The following SETD1B variants were observed in gnomAD, a reference collection of about 807,000 sequenced individuals.
SETD1B encodes the protein histone-lysine N-methyltransferase SETD1B.
Under a neutral mutation model 148.0 loss-of-function variants are expected in SETD1B, and 7 were observed. The ratio of observed to expected loss-of-function variants is 0.05; its 90% CI spans 0.03 to 0.09. SETD1B has a LOEUF of 0.09. SETD1B is among the 10% of genes least tolerant of loss of function. The pLI is 1.00. For synonymous variants in SETD1B, 1,361 were observed against 1,186.5 expected, an observed-to-expected ratio of 1.15 and a Z score of -3.02; for missense variants, 2,155 against 2,729.9, an observed-to-expected ratio of 0.79 and a Z score of 4.69.
At chr12:121,823,922 C>T (rs1014458107) in intron 12 of SETD1B, among the ~76,000 whole-genome samples, 173 bp downstream of exon 12, 4 of 152,154 alleles carry the variant, frequency 2.6e-5, no homozygotes, top group East Asian at 1.9e-4. Flanking sequence ...GCCAGGCTCC[C>T]GAGTGAATCA....
chr12:121,817,038 G>T lies in SETD1B; in HGVS notation c.2721G>T (p.Ser907=), dbSNP rs751219734. The T allele has an allele frequency of 2.0e-6, 3 of 1,519,290 alleles. No homozygotes were observed. Among genetic ancestry groups the T allele is most frequent in the Non-Finnish European group, 1.8e-6 (2 of 1,126,798 alleles). The allele number at this position is 1,519,290 out of a possible 1,614,324, so 94.1% of individuals were successfully genotyped here. A position where few individuals can be genotyped will look rare whatever the true frequency, so the allele number is the denominator to read the frequency against. ...WDKKERMAKA[S]LTPVKSGEHK... ...CCCTCCTGTCTCCACCCCAGGCCTC[G>T]CTGACCCCGGTGAAGTCGGGCGAGC... is the stretch of plus-strand genomic sequence containing the variant. The change falls in exon 8 of 17, where the codon TCG becomes TCT. Residue 907 remains serine (S), a synonymous_variant. Coordinates refer to ENST00000604567, the MANE Select transcript of SETD1B (RefSeq NM_001353345.2). The surrounding 1 kb of genome is among the most constrained non-coding windows in gnomAD (Gnocchi z 8.1).
At chr12:121,809,329 A>C (rs1013130165) in intron 5 of SETD1B, among the ~76,000 whole-genome samples, 3 of 152,182 alleles carry the variant, frequency 2.0e-5, no homozygotes, top group Non-Finnish European at 4.4e-5. Flanking sequence ...TCCCAGCCTA[A>C]ACCAAGATGT....
chr12:121,797,322 C>G, the SETD1B span: 1 of 409,646 alleles, frequency 2.4e-6, no homozygotes, highest in African/African-American at 2.1e-5. Context: ...TGGCGTGGCC[C>G]TCTCTCTGCA....
At position 121,817,701 on chromosome 12, in the gene SETD1B, T is replaced by C; in HGVS notation, c.3309T>C (p.Asp1103=). The change falls in exon 9 of 17, where the codon GAT becomes GAC. Residue 1103 remains aspartate, a synonymous_variant. Coordinates refer to ENST00000604567, the MANE Select transcript of SETD1B (RefSeq NM_001353345.2). The surrounding 1 kb of genome is among the most constrained non-coding windows in gnomAD (Gnocchi z 8.1). ...CCTCCTCAACCTCATCCACATCAGATAAGGTGCCTAGCAGGCCAGGAAGCC... is the reference window on the plus strand; with the variant it reads ...CCTCCTCAACCTCATCCACATCAGACAAGGTGCCTAGCAGGCCAGGAAGCC... The part of the protein sequence containing the change: ...LSSSSTSSTS[D]KDDDDDDSDD... The C allele has an allele frequency of 6.5e-7, 1 of 1,545,216 alleles. No homozygotes were observed. The highest frequency in any genetic ancestry group is 8.8e-7 in the Non-Finnish European group (1 of 1,142,336).
At chr12:121,818,433 G>A (rs1566554738) in intron 10 of SETD1B, among the ~76,000 whole-genome samples, 1 of 151,474 alleles carries the variant, frequency 6.6e-6, no homozygotes, top group Non-Finnish European at 1.5e-5. Context: ...CGTGGTGGTG[G>A]GCACCTGTAA....
chr12:121,797,428 G>T, the SETD1B span: 1 of 455,978 alleles, frequency 2.2e-6, no homozygotes. Context: ...AACAGCAGCA[G>T]GAGGACAAAC....
At chr12:121,815,078 A>G in intron 7 of SETD1B, 148 bp downstream of exon 7, 1 of 755,186 alleles carries the variant, frequency 1.3e-6, no homozygotes, top group Non-Finnish European at 2.1e-6. Flanking sequence ...CCACTTTCAA[A>G]GTTCCGCAAA....
At chr12:121,827,713 C>T in intron 14 of SETD1B, 22 bp from the exon 15 acceptor site, 1 of 1,551,816 alleles carries the variant, frequency 6.4e-7, no homozygotes, top group Non-Finnish European at 8.7e-7. Context: ...GGGCTCACCT[C>T]TCCCCCTCTT....
the SETD1B span, among the ~76,000 whole-genome samples, chr12:121,798,360 T>A: frequency 1.8e-3 from 274 of 152,302 alleles, no homozygotes; most frequent in Non-Finnish European, 3.1e-3. Context: ...CCCTTTGCCC[T>A]GAGGCAGGGA....
chr12:121,813,182 C>T (rs1876121978), intron 6 of SETD1B, among the ~76,000 whole-genome samples: 1 of 152,200 alleles, frequency 6.6e-6, no homozygotes, highest in Non-Finnish European at 1.5e-5. Context: ...TCAAATGGGT[C>T]GGAGCAGAGC....
At position 121,808,284 on chromosome 12, in the gene SETD1B, G is replaced by A; in HGVS notation, c.621G>A (p.Leu207=). Residue 207 remains leucine (L), a synonymous_variant, in exon 5 of 17, where the codon CTG becomes CTA. Coordinates refer to ENST00000604567, the MANE Select transcript of SETD1B (RefSeq NM_001353345.2). The surrounding 1 kb of genome is among the most constrained non-coding windows in gnomAD (Gnocchi z 5.3). ...YTPQTLPVGE[L]DAVSPIVNET... is the part of the protein sequence containing the mutation. ...CCCAGACCCTCCCAGTGGGCGAGCT[G>A]GACGCTGTCTCTCCAATCGTGAATG... 6.4e-7 allele frequency: 1 copy of A among 1,550,848 alleles called. No homozygotes were observed. The highest frequency in any genetic ancestry group is 1.7e-4 in the Middle Eastern group (1 of 5,988).
the SETD1B span, among the ~76,000 whole-genome samples, chr12:121,790,470 G>C: frequency 1.3e-5 from 2 of 152,248 alleles, no homozygotes; most frequent in Non-Finnish European, 2.9e-5. Flanking sequence ...CCTGCAGGCC[G>C]AGATGAATCA....
chr12:121,807,382 C>T (rs1276905206), intron 4 of SETD1B, among the ~76,000 whole-genome samples: 1 of 151,260 alleles, frequency 6.6e-6, no homozygotes, highest in Non-Finnish European at 1.5e-5. Flanking sequence ...CATGGTAACC[C>T]CTTTCCTATC....
At chr12:121,829,955 T>G in intron 16 of SETD1B, 111 bp from the exon 17 acceptor site, 1 of 955,878 alleles carries the variant, frequency 1.0e-6, no homozygotes, top group Non-Finnish European at 1.5e-6. Context: ...GGGCTGGGGG[T>G]CACGTGGCAT....
Position 121,809,166 on chromosome 12 carries a change from G to A in SETD1B, c.658-437G>A, listed in dbSNP as rs527992757. On this transcript the variant is annotated intron_variant, in intron 5 of 16. Coordinates refer to ENST00000604567, the MANE Select transcript of SETD1B (RefSeq NM_001353345.2). ...TGGGGTTACAGTCATGAGCCACCAC[G>A]CCTGGCCTCTGTTTATCACTTTAAA... Among the ~76,000 whole-genome samples, 10 of 152,306 alleles carry A rather than the reference G, an allele frequency of 6.6e-5. No individual in the cohort carries two copies. The South Asian group carries it at 1.0e-3, about 16-fold the overall frequency.
the SETD1B span, chr12:121,797,378 G>A: frequency 3.1e-5 from 14 of 445,368 alleles, no homozygotes; most frequent in African/African-American, 2.8e-4. Context: ...CGCGTTCGCT[G>A]GGTGACCGGT....
At chr12:121,807,302 C>T (rs576428041) in intron 4 of SETD1B, among the ~76,000 whole-genome samples, 1 of 152,044 alleles carries the variant, frequency 6.6e-6, no homozygotes. Flanking sequence ...TTCTCAGTCT[C>T]TGGGGGTTGG....
At position 121,825,247 on chromosome 12, in the gene SETD1B, C is replaced by T. The variant is rs373198662; in HGVS notation, c.5218C>T (p.Arg1740Cys). ...GAAGAAGAAACGGGACGATGGCATC[C>T]GCGAGCACGTGACGGGCTGTGCCCG... ...AKKKKRDDGI[R>C]EHVTGCARSE... is the part of the protein sequence containing the mutation. The change falls in exon 13 of 17, where the codon CGC (arginine) becomes TGC (cysteine). Residue 1740 changes from arginine to cysteine, a missense_variant. This residue lies in a region of SETD1B where 96 missense variants were observed against 148.7 expected (regional missense o/e 0.65). Coordinates refer to ENST00000604567, the MANE Select transcript of SETD1B (RefSeq NM_001353345.2). The T allele has an allele frequency of 6.4e-6, 10 of 1,551,606 alleles. No homozygotes were observed. The highest frequency in any genetic ancestry group is 5.9e-5 in the Admixed American group (3 of 50,984).
Position 121,810,437 on chromosome 12 carries a change from A to G in SETD1B, c.1492A>G (p.Ser498Gly). 6.5e-7 allele frequency: 1 copy of G among 1,549,310 alleles called. No homozygotes were observed. The highest frequency in any genetic ancestry group is 8.7e-7 in the Non-Finnish European group (1 of 1,147,002). ...TGCAGGGCCAGAGAAACCCCACGACAGCCTGGACTCGCGCATCGAGATGCT... is the reference window on the plus strand; with the variant it reads ...TGCAGGGCCAGAGAAACCCCACGACGGCCTGGACTCGCGCATCGAGATGCT... ...SPAGPEKPHD[S>G]LDSRIEMLLK... The change falls in exon 6 of 17, where the codon AGC becomes GGC. Residue 498 changes from serine to glycine, a missense_variant. Ser to Gly is a moderately conservative substitution (Grantham distance 56). This residue lies in a region of SETD1B where 376 missense variants were observed against 385.0 expected (regional missense o/e 0.98). Coordinates refer to ENST00000604567, the MANE Select transcript of SETD1B (RefSeq NM_001353345.2). This position sits in a 1 kb window ranked among gnomAD's most constrained non-coding sequence, Gnocchi z 7.6.
Sources: allele counts gnomAD v4.1 joint callset (sites outside exome capture counted in the v4.1 genomes callset), GRCh38; gene constraint gnomAD v4.1.1; regional missense constraint gnomAD v4.1.1; non-coding constraint Gnocchi (gnomAD v3.1); transcripts MANE v1.5; gene names NCBI Gene and HGNC (gene_info 2026-07-23, HGNC 2026-07-21).